Variants in ZFYVE26 observed in about 807,000 individuals in gnomAD.
ZFYVE26 encodes the protein zinc finger FYVE-type containing 26.
ZFYVE26 carries 181 observed loss-of-function variants against 276.5 expected under a neutral mutation model. The observed-to-expected ratio is 0.65, with a 90% CI of 0.58 to 0.74. The LOEUF is 0.74. Among genes scored for constraint, ZFYVE26 ranks in the 30% least tolerant of loss-of-function variants. The pLI is 0.00. For synonymous variants in ZFYVE26, 1,129 were observed against 1,203.1 expected, an observed-to-expected ratio of 0.94 and a Z score of 1.27; for missense variants, 2,821 against 3,097.9, an observed-to-expected ratio of 0.91 and a Z score of 2.12.
intron 13 of ZFYVE26, 127 bp from the exon 14 acceptor site, chr14:67,793,886 C>A: frequency 7.5e-7 from 1 of 1,332,728 alleles, no homozygotes; most frequent in East Asian, 2.4e-5. Context: ...GTAAATAGGT[C>A]TTAATTTTTC....
intron 13 of ZFYVE26, among the ~76,000 whole-genome samples, chr14:67,737,544 A>G (rs941103840): frequency 1.3e-5 from 2 of 152,188 alleles, no homozygotes; most frequent in Non-Finnish European, 2.9e-5. Flanking sequence ...AACTCCCACC[A>G]GGTCCCTCCC....
intron 27 of ZFYVE26, among the ~76,000 whole-genome samples, chr14:67,773,645 T>C (rs1461732275): frequency 2.6e-5 from 4 of 151,866 alleles, no homozygotes; most frequent in African/African-American, 9.7e-5. Flanking sequence ...CTCATATACT[T>C]GCAAGGCTGA....
At chr14:67,784,729 C>A (rs2140225853) in intron 19 of ZFYVE26, among the ~76,000 whole-genome samples, 1 of 152,312 alleles carries the variant, frequency 6.6e-6, no homozygotes, top group Non-Finnish European at 1.5e-5. Flanking sequence ...ATGTAGTACT[C>A]ACTCTGTGGA....
chr14:67,781,135 T>C (rs187262520), intron 22 of ZFYVE26, among the ~76,000 whole-genome samples, 198 bp downstream of exon 22: 4 of 152,330 alleles, frequency 2.6e-5, no homozygotes, highest in African/African-American at 9.6e-5. Context: ...TGCAAATGTA[T>C]TTAAAATTAT....
chr14:67,788,314 G>C (rs548605831), intron 16 of ZFYVE26, among the ~76,000 whole-genome samples: 2 of 152,178 alleles, frequency 1.3e-5, no homozygotes, highest in Admixed American at 1.3e-4. Context: ...GCTTGAACCC[G>C]GGAGGTGGAA....
At chr14:67,769,555 C>A (rs375063359) in intron 29 of ZFYVE26, 39 bp downstream of exon 29, 8 of 1,610,846 alleles carry the variant, frequency 5.0e-6, no homozygotes, top group Non-Finnish European at 6.8e-6. Flanking sequence ...AAGGGTGCAG[C>A]GGTCAATAAT....
Position 67,756,105 on chromosome 14 carries a change from G to T in ZFYVE26, c.6629C>A (p.Pro2210Gln), listed in dbSNP as rs776852185. 6.2e-7 allele frequency: 1 copy of T among 1,614,178 alleles called. No homozygotes were observed. Among genetic ancestry groups the T allele is most frequent in the African/African-American group, 1.3e-5 (1 of 75,040 alleles). The change falls in exon 36 of 42, where the codon CCA becomes CAA. Residue 2210 changes from proline (P) to glutamine (Q), a missense_variant. Coordinates refer to ENST00000347230, the MANE Select transcript of ZFYVE26 (RefSeq NM_015346.4). Reference sequence around the variant, plus strand: ...GTGTAGCTTCCCACTTTTATAGCTTGGTTGGAAAATGCCTTCTATAAAAAC... The same window carrying T: ...GTGTAGCTTCCCACTTTTATAGCTTTGTTGGAAAATGCCTTCTATAAAAAC... ...PEVFIEGIFQ[P>Q]SYKSGKLHTL...
At chr14:67,738,150 A>G (rs538629748) in intron 13 of ZFYVE26, among the ~76,000 whole-genome samples, 1 of 152,026 alleles carries the variant, frequency 6.6e-6, no homozygotes, top group South Asian at 2.1e-4. Context: ...AGTGGAAGAA[A>G]TGGTGGAGCC....
intron 28 of ZFYVE26, among the ~76,000 whole-genome samples, chr14:67,771,621 C>T (rs2039211009): frequency 6.6e-6 from 1 of 152,162 alleles, no homozygotes; most frequent in South Asian, 2.1e-4. Flanking sequence ...CAAGTAGGCA[C>T]ATGAGACCAA....
chr14:67,761,757 A>C (rs1490496681), intron 34 of ZFYVE26, 173 bp from the exon 35 acceptor site: 1 of 515,496 alleles, frequency 1.9e-6, no homozygotes, highest in African/African-American at 3.4e-5. Flanking sequence ...AAGTATGATA[A>C]AAAAATAAAA....
chr14:67,777,822 G>T (rs2039387057), intron 24 of ZFYVE26, 87 bp from the exon 25 acceptor site: 6 of 1,542,710 alleles, frequency 3.9e-6, no homozygotes, highest in Non-Finnish European at 4.5e-6. Context: ...GAATATTTAG[G>T]TTTACTCATT....
rs2039713016 is a variant in ZFYVE26, at chr14:67,788,433, T to C, written c.3019+902A>G. Among the ~76,000 whole-genome samples, 6 of 151,952 alleles carry C rather than the reference T, an allele frequency of 3.9e-5. No homozygotes were observed. In the South Asian group the frequency reaches 1.2e-3, roughly 32 times the overall value. On this transcript the variant is annotated intron_variant, in intron 16 of 41. Transcript: ENST00000347230. Reference sequence around the variant, plus strand: ...AAACAAACAAACCTTGGGCCTTGAGTCTCTAATGAGCTTCCCTATATACAA... The same window carrying C: ...AAACAAACAAACCTTGGGCCTTGAGCCTCTAATGAGCTTCCCTATATACAA...
chr14:67,757,684 C>CTT (rs1566865449), intron 35 of ZFYVE26, among the ~76,000 whole-genome samples: 2 of 100,674 alleles, frequency 2.0e-5, no homozygotes, highest in African/African-American at 4.0e-5. Flanking sequence ...CTTTCTTTCT[C>CTT]TCTCTCTTTC....
intron 10 of ZFYVE26, 120 bp downstream of exon 10, chr14:67,801,959 T>C (rs1033942648): frequency 9.0e-7 from 1 of 1,106,570 alleles, no homozygotes; most frequent in African/African-American, 1.5e-5. Flanking sequence ...TATCCCTGGG[T>C]GAAATAAAAC....
chr14:67,743,442 G>A (rs1319622148), downstream of ZFYVE26, among the ~76,000 whole-genome samples: 1 of 151,826 alleles, frequency 6.6e-6, no homozygotes, highest in African/African-American at 2.4e-5. Context: ...AGTGAGCTGT[G>A]ATCACACCAC....
At chr14:67,751,252 C>T (rs1227576777) in intron 40 of ZFYVE26, 156 bp from the exon 41 acceptor site, 1 of 774,114 alleles carries the variant, frequency 1.3e-6, no homozygotes, top group Non-Finnish European at 2.2e-6. Flanking sequence ...ACTATGTTGC[C>T]CATGCTGGAG....
chr14:67,803,924 A>G (rs376134323), intron 9 of ZFYVE26, among the ~76,000 whole-genome samples, 177 bp downstream of exon 9: 1 of 152,324 alleles, frequency 6.6e-6, no homozygotes, highest in African/African-American at 2.4e-5. Context: ...AAGGAAGAGG[A>G]GGAATGCCCT....
Position 67,780,282 on chromosome 14 carries a change from C to T in ZFYVE26, c.4633G>A (p.Glu1545Lys), listed in dbSNP as rs763869212. ...DWQTLRSCCV[E>K]DPSTVMNMIL... ...ATGTTCATGACAGTTGATGGGTCCT[C>T]AACACAACAGCTCCTCAAGGTCTGC... is the stretch of plus-strand genomic sequence containing the variant. Residue 1545 changes from glutamate to lysine, a missense_variant, in exon 23 of 42, where the codon GAG (glutamate) becomes AAG (lysine). Glu to Lys is a moderately conservative substitution (Grantham distance 56, BLOSUM62 1). Transcript: ENST00000347230. The T allele has an allele frequency of 6.2e-7, 1 of 1,613,962 alleles. No individual in the cohort carries two copies. Among genetic ancestry groups the T allele is most frequent in the Non-Finnish European group, 8.5e-7 (1 of 1,179,992 alleles).
chr14:67,813,957 G>T, intron 3 of ZFYVE26, 29 bp downstream of exon 3: 2 of 1,551,010 alleles, frequency 1.3e-6, no homozygotes, highest in South Asian at 2.2e-5. Flanking sequence ...TCCTGGCCTC[G>T]GAGGAAAATT....
Sources: gnomAD v4.1 joint callset for allele counts (sites outside exome capture counted in the v4.1 genomes callset) on GRCh38, gnomAD v4.1.1 for gene constraint, MANE v1.5 for transcripts, NCBI Gene and HGNC (gene_info 2026-07-23, HGNC 2026-07-21) for gene names.